RRM2: variants seen among roughly 807,000 people sequenced by gnomAD.
RRM2 encodes the protein ribonucleotide reductase regulatory subunit M2, also known as ribonucleoside-diphosphate reductase subunit M2.
RRM2 carries 6 observed loss-of-function variants against 45.9 expected under a neutral mutation model. That is an observed-to-expected ratio of 0.13 (90% CI 0.07 to 0.26). The LOEUF (loss-of-function observed/expected upper bound fraction) is 0.26. Ranked by LOEUF, RRM2 falls within the 10% of genes least tolerant of loss-of-function variation. The pLI, the probability that RRM2 is intolerant of heterozygous loss-of-function variation, is 1.00. For synonymous variants in RRM2, 177 were observed against 173.0 expected (o/e 1.02, Z -0.18); for missense variants, 343 against 489.5 (o/e 0.70, Z 2.82).
chr2:10,166,887 G>A (rs1201308471), intron 3 of RRM2, among the ~76,000 whole-genome samples: 1 of 152,222 alleles, frequency 6.6e-6, no homozygotes, highest in Non-Finnish European at 1.5e-5. Flanking sequence ...TTACCCTGGC[G>A]GGGTTGGGAG....
At chr2:10,136,071 A>G (rs1437191234), downstream of RRM2, among the ~76,000 whole-genome samples, 2 of 152,172 alleles carry the variant, frequency 1.3e-5, no homozygotes, top group East Asian at 1.9e-4. Flanking sequence ...GAGAGCTCAC[A>G]TTCCTACCGG....
At chr2:10,148,441 C>T (rs7605457) in intron 3 of RRM2, among the ~76,000 whole-genome samples, 88,769 of 151,796 alleles carry the variant, frequency 0.58, 26,530 homozygotes, top group Non-Finnish European at 0.66. Flanking sequence ...AAAAAGGTTT[C>T]TAGTCTTTGT....
chr2:10,183,205 C>T (rs980165707), intron 3 of RRM2, among the ~76,000 whole-genome samples: 1 of 152,160 alleles, frequency 6.6e-6, no homozygotes, highest in African/African-American at 2.4e-5. Context: ...GGAGGAGAGG[C>T]GTGAGCATTG....
intron 3 of RRM2, among the ~76,000 whole-genome samples, chr2:10,190,212 G>A (rs1050253567): frequency 6.7e-6 from 1 of 149,956 alleles, no homozygotes; most frequent in African/African-American, 2.5e-5. Context: ...ACTGATGATG[G>A]TGGAGATGAT....
chr2:10,133,455 G>A (rs959292258), downstream of RRM2, among the ~76,000 whole-genome samples: 4 of 152,238 alleles, frequency 2.6e-5, no homozygotes, highest in Non-Finnish European at 4.4e-5. Flanking sequence ...CTAACTGGCT[G>A]TATTTTGAGG....
At chr2:10,141,015 C>G (rs116192650), upstream of RRM2, among the ~76,000 whole-genome samples, 1 of 152,084 alleles carries the variant, frequency 6.6e-6, no homozygotes, top group African/African-American at 2.4e-5. Context: ...TGTGAACTGG[C>G]GGCTGGGGCT....
At chr2:10,144,607 G>A (rs1663151554) in intron 3 of RRM2, among the ~76,000 whole-genome samples, 1 of 152,190 alleles carries the variant, frequency 6.6e-6, no homozygotes, top group Admixed American at 6.5e-5. Flanking sequence ...GTGTGTAGGT[G>A]GAATTCCTAT....
In RRM2 at chr2:10,204,746, A is replaced by G. The variant is rs1449557520; in HGVS notation, n.483-5565A>G. 6.6e-6 allele frequency among the ~76,000 whole-genome samples: 1 copy of G among 152,222 alleles called. No homozygotes were observed. The highest frequency in any genetic ancestry group is 1.5e-5 in the Non-Finnish European group (1 of 68,046). On this transcript the variant is annotated intron_variant and non_coding_transcript_variant, in intron 3 of 3. Transcript: ENST00000381786. This position sits in a 1 kb window ranked among gnomAD's most constrained non-coding sequence, Gnocchi z 4.0. ...ATCTGTTCTCAATTGCCCTATGCAG[A>G]TACTTAGTCTGTGGCTGGGAGCCAA... is the stretch of plus-strand genomic sequence containing the variant.
At chr2:10,145,079 AAGG>A (rs1290906582) in intron 3 of RRM2, among the ~76,000 whole-genome samples, 1 of 151,520 alleles carries the variant, frequency 6.6e-6, no homozygotes, top group Admixed American at 6.6e-5. Context: ...GCGGGAGGGA[AAGG>A]AGGGAGGGAA....
intron 2 of RRM2, chr2:10,142,211 C>A (rs780355711): frequency 1.9e-6 from 3 of 1,552,192 alleles, no homozygotes; most frequent in Non-Finnish European, 2.6e-6. Flanking sequence ...TGTGTACATG[C>A]AGGTCTGCAG....
intron 3 of RRM2, among the ~76,000 whole-genome samples, chr2:10,203,385 C>T (rs1664600644): frequency 6.6e-6 from 1 of 152,190 alleles, no homozygotes; most frequent in South Asian, 2.1e-4. Flanking sequence ...TTGGTTTCCT[C>T]AACCATTAAG....
intron 3 of RRM2, among the ~76,000 whole-genome samples, chr2:10,154,599 G>A (rs1370300857): frequency 6.6e-6 from 1 of 151,922 alleles, no homozygotes; most frequent in Non-Finnish European, 1.5e-5. Context: ...AAAGGGAGGA[G>A]GTGGGAAGAA....
chr2:10,157,219 G>T lies in RRM2; in HGVS notation n.482+14844G>T, dbSNP rs375805483. On this transcript the variant is annotated intron_variant and non_coding_transcript_variant, in intron 3 of 3. Transcript: ENST00000381786. ...AATTTTTTGTATTTTTAGTAGAGAC[G>T]GGGTTTCACCATGTTGGCCAGACTG... Among the ~76,000 whole-genome samples, 14 of 152,002 alleles carry T rather than the reference G, an allele frequency of 9.2e-5. 1 individual carries two copies. Among genetic ancestry groups the T allele is most frequent in the Admixed American group, 5.9e-4 (9 of 15,278 alleles).
intron 5 of RRM2, 141 bp downstream of exon 5, chr2:10,124,991 C>T (rs2125306397): frequency 1.4e-6 from 1 of 701,194 alleles, no homozygotes; most frequent in African/African-American, 1.8e-5. Flanking sequence ...GTGGTCATGT[C>T]TGCTCTTAGC....
downstream of RRM2, among the ~76,000 whole-genome samples, chr2:10,135,864 C>A (rs1418318909): frequency 6.6e-6 from 1 of 152,190 alleles, no homozygotes; most frequent in African/African-American, 2.4e-5. Context: ...GGTGTGACTT[C>A]ATCCCTGCCT....
At chr2:10,194,300 G>A (rs558875543) in intron 3 of RRM2, among the ~76,000 whole-genome samples, 1 of 152,208 alleles carries the variant, frequency 6.6e-6, no homozygotes, top group African/African-American at 2.4e-5. Flanking sequence ...AGGCGGTGGT[G>A]TGACGCTAGC....
intron 3 of RRM2, among the ~76,000 whole-genome samples, chr2:10,160,562 A>G (rs1223388069): frequency 6.6e-6 from 1 of 152,188 alleles, no homozygotes; most frequent in African/African-American, 2.4e-5. Flanking sequence ...CTTGGATTTA[A>G]GGCGGTTCCC....
intron 3 of RRM2, among the ~76,000 whole-genome samples, chr2:10,186,933 G>T (rs1291905393): frequency 1.3e-5 from 2 of 152,222 alleles, no homozygotes; most frequent in Non-Finnish European, 2.9e-5. Context: ...AACCATCCAA[G>T]TTGGCAGGGC....
At chr2:10,145,453 A>C (rs1172513208) in intron 3 of RRM2, 1 of 152,240 alleles carries the variant, frequency 6.6e-6, no homozygotes, top group Non-Finnish European at 1.5e-5. Flanking sequence ...ATTCTGGCTC[A>C]TTTGTTCTAT....
Sources: gnomAD v4.1 joint callset for allele counts (sites outside exome capture counted in the v4.1 genomes callset) on GRCh38, gnomAD v4.1.1 for gene constraint, Gnocchi (gnomAD v3.1) non-coding constraint, MANE v1.5 for transcripts, NCBI Gene and HGNC (gene_info 2026-07-23, HGNC 2026-07-21) for gene names.